ATXN3: variants seen among roughly 807,000 people sequenced by gnomAD.
The protein encoded by ATXN3 is ataxin-3.
ATXN3 carries 28 observed loss-of-function variants against 58.2 expected under a neutral mutation model. That is an observed-to-expected ratio of 0.48 (90% confidence interval 0.36 to 0.66). The LOEUF is 0.66. Among genes scored for constraint, ATXN3 ranks in the 30% least tolerant of loss-of-function variants. ATXN3 has a pLI of 0.00. For synonymous variants in ATXN3, 113 were observed against 138.5 expected, an observed-to-expected ratio of 0.82 and a Z score of 1.29; for missense variants, 321 against 422.1, an observed-to-expected ratio of 0.76 and a Z score of 2.10.
At chr14:92,088,887 A>C in intron 5 of ATXN3, 70 bp from the exon 6 acceptor site, 1 of 856,686 alleles carries the variant, frequency 1.2e-6, no homozygotes, top group South Asian at 1.4e-5. Context: ...CATGTTAAGA[A>C]TAGATACAAC....
intron 6 of ATXN3, 125 bp downstream of exon 6, chr14:92,088,605 G>T: frequency 2.7e-6 from 2 of 736,460 alleles, no homozygotes; most frequent in South Asian, 1.7e-5. Flanking sequence ...CTATCACCAC[G>T]TCAAAACTAA....
chr14:92,101,074 T>C (rs1034097897), intron 1 of ATXN3, among the ~76,000 whole-genome samples: 7 of 152,208 alleles, frequency 4.6e-5, no homozygotes, highest in Non-Finnish European at 8.8e-5. Flanking sequence ...GAAATCAAAC[T>C]TCATCAAAGA....
At chr14:92,103,840 G>A (rs1199345096) in intron 1 of ATXN3, among the ~76,000 whole-genome samples, 2 of 152,166 alleles carry the variant, frequency 1.3e-5, no homozygotes, top group Admixed American at 6.5e-5. Context: ...AGCTTCTTTA[G>A]GGCCAAAGTT....
At chr14:92,048,360 T>G (rs1301866422) in intron 1 of ATXN3, among the ~76,000 whole-genome samples, 2 of 152,236 alleles carry the variant, frequency 1.3e-5, no homozygotes, top group Admixed American at 6.5e-5. Flanking sequence ...GTGATGTTAA[T>G]TAAGTCCTGT....
At chr14:92,068,356 G>C (rs2058808376) in intron 10 of ATXN3, among the ~76,000 whole-genome samples, 1 of 152,150 alleles carries the variant, frequency 6.6e-6, no homozygotes, top group Non-Finnish European at 1.5e-5. Flanking sequence ...TGTTTGACTG[G>C]AGTCAAGTGC....
intron 5 of ATXN3, chr14:92,090,341 C>G (rs1195392777): frequency 6.6e-6 from 1 of 152,160 alleles, no homozygotes; most frequent in Non-Finnish European, 1.5e-5. Flanking sequence ...CTCCTGGATT[C>G]AAGACATCCT....
chr14:92,046,060 G>A (rs548107565), intron 2 of ATXN3, among the ~76,000 whole-genome samples: 4 of 152,282 alleles, frequency 2.6e-5, no homozygotes, highest in African/African-American at 9.6e-5. Flanking sequence ...GGACCTTTGC[G>A]TACTGAGGAA....
intron 9 of ATXN3, among the ~76,000 whole-genome samples, chr14:92,072,061 A>G (rs12586471): frequency 0.28 from 41,939 of 152,118 alleles, 6,056 homozygotes; most frequent in East Asian, 0.44. Context: ...AATAAATGAA[A>G]ACTACTATTT....
chr14:92,086,512 C>T (rs541315490), intron 6 of ATXN3, among the ~76,000 whole-genome samples: 1 of 144,008 alleles, frequency 6.9e-6, no homozygotes, highest in South Asian at 2.3e-4. Flanking sequence ...TTACGGTGAG[C>T]CGAGATCACG....
chr14:92,080,862 C>T (rs1213242103), intron 9 of ATXN3, 103 bp downstream of exon 9: 1 of 970,780 alleles, frequency 1.0e-6, no homozygotes, highest in South Asian at 1.4e-5. Flanking sequence ...TTAAAAAATA[C>T]ATTCAAATAT....
rs116410176 is a variant in ATXN3, at chr14:92,102,854, T to G, written c.24+3675A>C. On this transcript the variant is annotated intron_variant, in intron 1 of 10. Coordinates refer to ENST00000644486, the MANE Select transcript of ATXN3 (RefSeq NM_004993.6). The stretch of plus-strand genomic sequence containing the variant: ...ACCCAGGCAGAGGTTTCAAAACCTG[T>G]GCTATTAGCACTTCAAGTCATTTAT... 7.8e-3 allele frequency among the ~76,000 whole-genome samples: 1,182 copies of G among 152,298 alleles called. 12 individuals carry two copies. Among genetic ancestry groups the G allele is most frequent in the African/African-American group, 0.026 (1,076 of 41,550 alleles).
intron 10 of ATXN3, among the ~76,000 whole-genome samples, chr14:92,067,653 T>A (rs2058688240): frequency 6.6e-6 from 1 of 152,248 alleles, no homozygotes; most frequent in African/African-American, 2.4e-5. Flanking sequence ...CACCTTGGCC[T>A]CCCAAAGTGC....
intron 1 of ATXN3, among the ~76,000 whole-genome samples, chr14:92,097,653 G>C: frequency 6.7e-6 from 1 of 148,184 alleles, no homozygotes; most frequent in East Asian, 2.3e-4. Context: ...AGCCTACCAA[G>C]TAGCTGCGAC....
intron 3 of ATXN3, among the ~76,000 whole-genome samples, chr14:92,094,183 A>G (rs4904835): frequency 0.28 from 42,686 of 151,440 alleles, 6,289 homozygotes; most frequent in East Asian, 0.44. Flanking sequence ...CTTGTGATCC[A>G]CCCGCCTGGG....
chr14:92,065,308 C>T (rs2058191205), intron 10 of ATXN3, among the ~76,000 whole-genome samples: 2 of 152,202 alleles, frequency 1.3e-5, no homozygotes, highest in Non-Finnish European at 1.5e-5. Flanking sequence ...TTAATCCTGA[C>T]AGTAGAGTAT....
At chr14:92,079,465 G>A (rs1002516022) in intron 9 of ATXN3, 12 of 981,280 alleles carry the variant, frequency 1.2e-5, no homozygotes, top group Non-Finnish European at 1.3e-5. Context: ...CTTCTGAGTT[G>A]TGACTTAAAA....
Position 92,096,691 on chromosome 14 carries a change from A to G in ATXN3, c.172T>C (p.Tyr58His), listed in dbSNP as rs375315995. The G allele has an allele frequency of 4.3e-6, 7 of 1,612,598 alleles. No individual in the cohort carries two copies. Among genetic ancestry groups the G allele is most frequent in the Non-Finnish European group, 5.9e-6 (7 of 1,179,730 alleles). Residue 58 changes from tyrosine (Y) to histidine (H), a missense_variant, in exon 2 of 11, where the codon TAT becomes CAT. By Grantham distance (83) the Tyr-to-His change is moderately conservative. Coordinates refer to ENST00000644486, the MANE Select transcript of ATXN3 (RefSeq NM_004993.6). ...MAEGGVTSED[Y>H]RTFLQQPSGN... Reference sequence around the variant, plus strand: ...ATCAGTACCTGTAAAAACGTGCGATAATCTTCACTAGTAACTCCTCCTTCT... The same window carrying G: ...ATCAGTACCTGTAAAAACGTGCGATGATCTTCACTAGTAACTCCTCCTTCT...
chr14:92,049,117 A>G (rs2057439214), intron 1 of ATXN3, among the ~76,000 whole-genome samples: 1 of 152,186 alleles, frequency 6.6e-6, no homozygotes, highest in African/African-American at 2.4e-5. Flanking sequence ...AGAAGAAAAT[A>G]AGGCTTTTAG....
intron 9 of ATXN3, among the ~76,000 whole-genome samples, chr14:92,079,854 G>C (rs2003722): frequency 0.29 from 43,837 of 151,928 alleles, 6,748 homozygotes; most frequent in East Asian, 0.44. Context: ...TCTCCTGTCT[G>C]AGCCTCCCAA....
Sources: gnomAD v4.1 joint callset for allele counts (sites outside exome capture counted in the v4.1 genomes callset) on GRCh38, gnomAD v4.1.1 for gene constraint, MANE v1.5 for transcripts, NCBI Gene and HGNC (gene_info 2026-07-23, HGNC 2026-07-21) for gene names.